AGBL1: variants seen among roughly 807,000 people sequenced by gnomAD.
AGBL1 encodes AGBL carboxypeptidase 1.
In AGBL1, 130 loss-of-function variants were observed where a neutral mutation model predicts 118.9. The ratio of observed to expected loss-of-function variants is 1.09; its 90% CI spans 0.95 to 1.26. AGBL1 has a LOEUF of 1.26. AGBL1 is among the 50% of genes most tolerant of loss of function. AGBL1 has a pLI of 0.00. For missense variants in AGBL1, 1,584 were observed against 1,298.1 expected, an observed-to-expected ratio of 1.22 and a Z score of -3.38; for synonymous variants, 555 against 478.9, an observed-to-expected ratio of 1.16 and a Z score of -2.08.
At chr15:86,080,044 T>C (rs1437887977) in intron 1 of AGBL1, 21 bp downstream of exon 1, 1 of 1,231,928 alleles carries the variant, frequency 8.1e-7, no homozygotes, top group African/African-American at 1.6e-5. Context: ...GTAGAGTGGG[T>C]GCAGAACCCG....
intron 17 of AGBL1, among the ~76,000 whole-genome samples, chr15:86,367,820 G>C (rs1050910479): frequency 2.6e-5 from 4 of 152,122 alleles, no homozygotes; most frequent in Non-Finnish European, 4.4e-5. Context: ...CATAAGTCCA[G>C]AAATAAGTTA....
intron 22 of AGBL1, among the ~76,000 whole-genome samples, chr15:86,897,772 T>C (rs924742344): frequency 7.1e-6 from 1 of 141,700 alleles, no homozygotes. Flanking sequence ...ATCTTTTTTT[T>C]TTTTTTTTTT....
chr15:86,870,252 A>C (rs1232506158), intron 22 of AGBL1, among the ~76,000 whole-genome samples: 1 of 152,088 alleles, frequency 6.6e-6, no homozygotes, highest in East Asian at 1.9e-4. Context: ...GAAATACTTT[A>C]TCTCTATTTT....
chr15:86,164,473 C>G (rs750331266), intron 5 of AGBL1, among the ~76,000 whole-genome samples: 1 of 152,178 alleles, frequency 6.6e-6, no homozygotes, highest in Non-Finnish European at 1.5e-5. Context: ...GATTACTCCA[C>G]GTCTCAACAC....
At chr15:86,192,648 C>T (rs1459405684) in intron 5 of AGBL1, among the ~76,000 whole-genome samples, 3 of 152,218 alleles carry the variant, frequency 2.0e-5, no homozygotes, top group African/African-American at 7.2e-5. Context: ...GTATTTGTGA[C>T]AACATTGTTT....
intron 22 of AGBL1, among the ~76,000 whole-genome samples, chr15:86,758,110 T>C (rs2141265997): frequency 6.6e-6 from 1 of 152,146 alleles, no homozygotes; most frequent in South Asian, 2.1e-4. Context: ...TCTCCTATGG[T>C]AAAATCTGGA....
At chr15:86,758,570 G>T (rs1035880565) in intron 22 of AGBL1, among the ~76,000 whole-genome samples, 9 of 152,044 alleles carry the variant, frequency 5.9e-5, no homozygotes, top group Non-Finnish European at 1.2e-4. Context: ...TGCTCGATAA[G>T]CATCTGTTGA....
intron 1 of AGBL1, among the ~76,000 whole-genome samples, chr15:86,133,215 T>A (rs887582715): frequency 6.6e-6 from 1 of 152,190 alleles, no homozygotes; most frequent in South Asian, 2.1e-4. Flanking sequence ...CCTCTCTCTT[T>A]CTGTGCCTCA....
intron 22 of AGBL1, among the ~76,000 whole-genome samples, chr15:86,676,365 G>A (rs2085846746): frequency 6.6e-6 from 1 of 152,124 alleles, no homozygotes; most frequent in Non-Finnish European, 1.5e-5. Context: ...AAACTGCATG[G>A]TTGAGAGGGA....
At chr15:86,620,042 G>A (rs1283167997) in intron 21 of AGBL1, among the ~76,000 whole-genome samples, 1 of 152,178 alleles carries the variant, frequency 6.6e-6, no homozygotes, top group Non-Finnish European at 1.5e-5. Flanking sequence ...AATGCTGGGT[G>A]AAGACGGATC....
intron 1 of AGBL1, among the ~76,000 whole-genome samples, chr15:86,122,840 C>T (rs1597423159): frequency 6.6e-6 from 1 of 152,154 alleles, no homozygotes; most frequent in Non-Finnish European, 1.5e-5. Flanking sequence ...TTATACCCTC[C>T]TCCCTTTGGA....
chr15:86,613,616 A>G lies in AGBL1; in HGVS notation c.2994+59079A>G, dbSNP rs1323376568. Among the ~76,000 whole-genome samples the G allele has an allele frequency of 6.6e-6, 1 of 152,236 alleles. No individual in the cohort carries two copies. The highest frequency in any genetic ancestry group is 6.5e-5 in the Admixed American group (1 of 15,284). On this transcript the variant is annotated intron_variant, in intron 21 of 22. Transcript: ENST00000614907. This position sits in a 1 kb window ranked among gnomAD's most constrained non-coding sequence, Gnocchi z 4.2. ...TTCAGATCACAGAAAGTAAGTCACGAGTACTTACCAGCTACCTAAAGAAGG... is the reference window on the plus strand; with the variant it reads ...TTCAGATCACAGAAAGTAAGTCACGGGTACTTACCAGCTACCTAAAGAAGG...
chr15:86,271,948 T>A (rs1232358840), intron 15 of AGBL1, among the ~76,000 whole-genome samples: 7 of 152,216 alleles, frequency 4.6e-5, no homozygotes, highest in Admixed American at 2.6e-4. Flanking sequence ...TTTAAACACA[T>A]TAAAACTTTT....
At position 86,908,087 on chromosome 15, in the gene AGBL1, A is replaced by C. The variant is rs1050706110; in HGVS notation, c.*793A>C. The stretch of plus-strand genomic sequence containing the variant: ...GATCTGGCAGTTGCTTGTTATGACA[A>C]TTTAGGCAAGTAATTAAATTTTCCT... On this transcript the variant is annotated 3_prime_UTR_variant, in exon 23 of 23. Transcript: ENST00000614907. 4 of 152,158 alleles carry C rather than the reference A, an allele frequency of 2.6e-5. No individual in the cohort carries two copies. The highest frequency in any genetic ancestry group is 9.7e-5 in the African/African-American group (4 of 41,390). The allele number at this position is 152,158 out of a possible 1,614,324, so 9.4% of individuals were successfully genotyped here.
chr15:86,121,139 C>T (rs1023510448), intron 1 of AGBL1, among the ~76,000 whole-genome samples: 4 of 152,188 alleles, frequency 2.6e-5, no homozygotes, highest in African/African-American at 9.7e-5. Flanking sequence ...CTCAGGTGAT[C>T]TGCCCGCCTC....
chr15:86,645,001 A>G (rs1299280282), intron 21 of AGBL1, among the ~76,000 whole-genome samples: 1 of 152,156 alleles, frequency 6.6e-6, no homozygotes, highest in Non-Finnish European at 1.5e-5. Context: ...AGCCTGGGTG[A>G]CAAGAGCGAG....
At chr15:86,172,150 T>C (rs56805258) in intron 5 of AGBL1, among the ~76,000 whole-genome samples, 10,343 of 152,240 alleles carry the variant, frequency 0.068, 482 homozygotes, top group East Asian at 0.23. Context: ...AACTTATTCA[T>C]GTAATCATCA....
chr15:86,284,464 A>G (rs1040540693), intron 16 of AGBL1, among the ~76,000 whole-genome samples: 2 of 152,152 alleles, frequency 1.3e-5, no homozygotes, highest in African/African-American at 4.8e-5. Context: ...GCAGACTGGG[A>G]CAGTTTGAGG....
At chr15:86,471,106 C>G (rs946882434) in intron 18 of AGBL1, among the ~76,000 whole-genome samples, 1 of 152,124 alleles carries the variant, frequency 6.6e-6, no homozygotes, top group Non-Finnish European at 1.5e-5. Context: ...TCTTCCTGAT[C>G]TAAGAGGAAA....
Sources: allele counts gnomAD v4.1 joint callset (sites outside exome capture counted in the v4.1 genomes callset), GRCh38; gene constraint gnomAD v4.1.1; non-coding constraint Gnocchi (gnomAD v3.1); transcripts MANE v1.5; gene names NCBI Gene and HGNC (gene_info 2026-07-23, HGNC 2026-07-21).